Variants in ABHD15 observed in about 807,000 individuals in gnomAD.
ABHD15 encodes abhydrolase domain containing 15, also known as protein ABHD15.
A neutral mutation model predicts 34.4 loss-of-function variants in ABHD15; 34 were observed. The observed-to-expected ratio is 0.99, with a 90% CI of 0.75 to 1.32. The LOEUF (loss-of-function observed/expected upper bound fraction) is 1.32. ABHD15 is among the 40% of genes most tolerant of loss of function. ABHD15 has a pLI of 0.00. For missense variants in ABHD15, 644 were observed against 650.4 expected, an observed-to-expected ratio of 0.99 and a Z score of 0.11; for synonymous variants, 314 against 299.2, an observed-to-expected ratio of 1.05 and a Z score of -0.51.
Position 29,566,363 on chromosome 17 carries a change from C to G in ABHD15, c.604G>C (p.Val202Leu), listed in dbSNP as rs62070805. The change falls in exon 1 of 2, where the codon GTC (valine) becomes CTC (leucine). Residue 202 changes from valine (V) to leucine (L), a missense_variant. Val to Leu is a conservative substitution (Grantham distance 32). Transcript: ENST00000307201. ...HRRGHHGCPL[V>L]SPRLQPFGDP... ...CCGAAAGGCTGCAGCCGGGGGCTGA[C>G]CAGTGGGCAACCGTGGTGGCCGCGG... 2 of 1,611,028 alleles carry G rather than the reference C, an allele frequency of 1.2e-6. No individual in the cohort carries two copies. Among genetic ancestry groups the G allele is most frequent in the Admixed American group, 3.3e-5 (2 of 59,942 alleles).
intron 1 of ABHD15, among the ~76,000 whole-genome samples, chr17:29,563,809 G>A (rs576407404): frequency 8.9e-4 from 136 of 152,198 alleles, no homozygotes; most frequent in South Asian, 8.9e-3. Flanking sequence ...GCAGTGAGCC[G>A]AGATCGTGCC....
rs1388732913 is a variant in ABHD15 at position 29,566,891 on chromosome 17, G to A, written c.76C>T (p.Arg26Trp). The A allele has an allele frequency of 5.4e-6, 8 of 1,493,864 alleles. No homozygotes were observed. Among genetic ancestry groups the A allele is most frequent in the East Asian group, 2.8e-5 (1 of 35,434 alleles). 92.5% of individuals were successfully genotyped at this position (1,493,864 alleles called of 1,614,324 possible). Residue 26 changes from arginine (R) to tryptophan (W), a missense_variant, in exon 1 of 2, where the codon CGG (arginine) becomes TGG (tryptophan). Coordinates refer to ENST00000307201, the MANE Select transcript of ABHD15 (RefSeq NM_198147.3). ...CCGACGGCGCGCCCCCAGGGTCCCC[G>A]GAGCCGCGGGCCGAGCAGGCCGAGA... ...ALLGLLGPRL[R>W]GPWGRAVGER... is the part of the protein sequence containing the mutation.
chr17:29,566,649 C>G lies in ABHD15; in HGVS notation c.318G>C (p.Leu106=). The part of the protein sequence containing the change: ...GPRSWFSGPH[L]QTLCHFVLPV... ...GCAGGACGAAGTGGCAGAGGGTCTG[C>G]AGGTGGGGCCCGGAGAACCAGGAGC... The change falls in exon 1 of 2, where the codon CTG becomes CTC. Residue 106 remains leucine, a synonymous_variant. Coordinates refer to ENST00000307201, the MANE Select transcript of ABHD15 (RefSeq NM_198147.3). 6.2e-7 allele frequency: 1 copy of G among 1,604,856 alleles called. No homozygotes were observed. Among genetic ancestry groups the G allele is most frequent in the Non-Finnish European group, 8.5e-7 (1 of 1,179,188 alleles).
Position 29,566,961 on chromosome 17 carries a change from C to T in ABHD15, c.6G>A (p.Pro2=), listed in dbSNP as rs893043870. 2.9e-6 allele frequency: 4 copies of T among 1,377,834 alleles called. No individual in the cohort carries two copies. The highest frequency in any genetic ancestry group is 3.7e-6 in the Non-Finnish European group (4 of 1,073,864). The allele number at this position is 1,377,834 out of a possible 1,614,324, so 85.4% of individuals were successfully genotyped here. M[P]PWGAALALIL... is the part of the protein sequence containing the mutation. Reference sequence around the variant, plus strand: ...TGAGCGCGAGGGCGGCGCCCCACGGCGGCATGGCGAAGCTGGAGAGCCCCG... The same window carrying T: ...TGAGCGCGAGGGCGGCGCCCCACGGTGGCATGGCGAAGCTGGAGAGCCCCG... The change falls in exon 1 of 2, where the codon CCG becomes CCA. Residue 2 remains proline, a synonymous_variant. Coordinates refer to ENST00000307201, the MANE Select transcript of ABHD15 (RefSeq NM_198147.3).
At position 29,566,857 on chromosome 17, in the gene ABHD15, G is replaced by T. The variant is rs1304733778; in HGVS notation, c.110C>A (p.Thr37Asn). 1.7e-5 allele frequency: 25 copies of T among 1,509,756 alleles called. No individual in the cohort carries two copies. Among genetic ancestry groups the T allele is most frequent in the African/African-American group, 2.9e-5 (2 of 69,214 alleles). 93.5% of individuals were successfully genotyped at this position (1,509,756 alleles called of 1,614,324 possible). A position where few individuals can be genotyped will look rare whatever the true frequency, so the allele number is the denominator to read the frequency against. The change falls in exon 1 of 2, where the codon ACC becomes AAC. Residue 37 changes from threonine (T) to asparagine (N), a missense_variant. Coordinates refer to ENST00000307201, the MANE Select transcript of ABHD15 (RefSeq NM_198147.3). ...GTCTCGGTCTTGGGCCCCCGGCAGGGTCCTCTCTCCGACGGCGCGCCCCCA... is the reference window on the plus strand; with the variant it reads ...GTCTCGGTCTTGGGCCCCCGGCAGGTTCCTCTCTCCGACGGCGCGCCCCCA... ...GPWGRAVGER[T>N]LPGAQDRDDG...
chr17:29,563,058 CCA>C lies in ABHD15; in HGVS notation c.908_909del (p.Val303GlyfsTer15). ...SRYATALEDTVDTSRLFRSRS... is the reference protein window; with the variant it reads ...SRYATALEDTXDTSRLFRSRS... ...CGGCTCCTGAACAGTCTGCTGGTGT[CCA>C]CAGTGTCCTCCAGGGCTGTGGCATA... On this transcript the variant is annotated frameshift_variant, in exon 2 of 2. Coordinates refer to ENST00000307201, the MANE Select transcript of ABHD15 (RefSeq NM_198147.3). LOFTEE classifies it high-confidence loss of function. 1 of 1,608,486 alleles carries C rather than the reference CCA, an allele frequency of 6.2e-7. No homozygotes were observed. The highest frequency in any genetic ancestry group is 1.1e-5 in the South Asian group (1 of 91,040).
Position 29,562,506 on chromosome 17 carries a change from C to G in ABHD15, c.*55G>C. On this transcript the variant is annotated 3_prime_UTR_variant, in exon 2 of 2. Transcript: ENST00000307201. ...TCCGCCCCATCTTTCCAGGACTCCCCCTTGCCCAGCTCTGTTTTTCTTTGC... is the reference window on the plus strand; with the variant it reads ...TCCGCCCCATCTTTCCAGGACTCCCGCTTGCCCAGCTCTGTTTTTCTTTGC... 6.5e-7 allele frequency: 1 copy of G among 1,543,148 alleles called. No individual in the cohort carries two copies. The highest frequency in any genetic ancestry group is 1.3e-5 in the South Asian group (1 of 79,972).
chr17:29,562,754 T>C lies in ABHD15; in HGVS notation c.1214A>G (p.His405Arg), dbSNP rs1350941601. The C allele has an allele frequency of 1.2e-6, 2 of 1,614,004 alleles. No individual in the cohort carries two copies. The highest frequency in any genetic ancestry group is 1.3e-5 in the African/African-American group (1 of 74,928). Reference protein sequence around the residue: ...LRQEPLPAWSHEVILESFRAL... With the variant: ...LRQEPLPAWSREVILESFRAL... ...CCGGAAGGACTCCAAGATGACCTCA[T>C]GGCTCCAGGCTGGCAAGGGCTCCTG... is the stretch of plus-strand genomic sequence containing the variant. Residue 405 changes from histidine (H) to arginine (R), a missense_variant, in exon 2 of 2, where the codon CAT becomes CGT. Coordinates refer to ENST00000307201, the MANE Select transcript of ABHD15 (RefSeq NM_198147.3).
intron 1 of ABHD15, 131 bp downstream of exon 1, chr17:29,565,955 G>T: frequency 7.9e-7 from 1 of 1,258,780 alleles, no homozygotes; most frequent in Non-Finnish European, 1.1e-6. Flanking sequence ...GAAGGCTTTG[G>T]AAGATGTGTT....
In ABHD15 at chr17:29,562,952, T is replaced by A; in HGVS notation, c.1016A>T (p.Asn339Ile). ...PISWDTYWDR[N>I]DPLRDVDEAA... Reference sequence around the variant, plus strand: ...CTCATCGACATCCCGGAGCGGGTCGTTGCGGTCCCAGTAGGTATCCCAGCT... The same window carrying A: ...CTCATCGACATCCCGGAGCGGGTCGATGCGGTCCCAGTAGGTATCCCAGCT... Residue 339 changes from asparagine to isoleucine, a missense_variant, in exon 2 of 2, where the codon AAC (asparagine) becomes ATC (isoleucine). Physicochemically the swap from Asn to Ile is moderately radical, Grantham distance 149. Coordinates refer to ENST00000307201, the MANE Select transcript of ABHD15 (RefSeq NM_198147.3). 6.2e-7 allele frequency: 1 copy of A among 1,614,060 alleles called. No individual in the cohort carries two copies. Among genetic ancestry groups the A allele is most frequent in the South Asian group, 1.1e-5 (1 of 91,084 alleles).
At position 29,561,338 on chromosome 17, in the gene ABHD15, T is replaced by C. The variant is rs1172542443; in HGVS notation, c.*1223A>G. The C allele has an allele frequency of 6.6e-6, 1 of 152,208 alleles. No homozygotes were observed. Among genetic ancestry groups the C allele is most frequent in the African/African-American group, 2.4e-5 (1 of 41,450 alleles). The allele number at this position is 152,208 out of a possible 1,614,324, so 9.4% of individuals were successfully genotyped here. A position where few individuals can be genotyped will look rare whatever the true frequency, so the allele number is the denominator to read the frequency against. On this transcript the variant is annotated 3_prime_UTR_variant, in exon 2 of 2. Transcript: ENST00000307201. The stretch of plus-strand genomic sequence containing the variant: ...TAATTGCCTAATCCAAACCAGAATA[T>C]TTAGATCAACCTGTATACTATATAT...
rs1326011077 is a variant in ABHD15 at position 29,567,026 on chromosome 17, C to T, written c.-60G>A. 1.7e-5 allele frequency: 21 copies of T among 1,219,316 alleles called. No homozygotes were observed. Among genetic ancestry groups the T allele is most frequent in the South Asian group, 3.9e-5 (1 of 25,540 alleles). 75.5% of individuals were successfully genotyped at this position (1,219,316 alleles called of 1,614,324 possible). On this transcript the variant is annotated 5_prime_UTR_variant, in exon 1 of 2. Coordinates refer to ENST00000307201, the MANE Select transcript of ABHD15 (RefSeq NM_198147.3). The surrounding 1 kb of genome is among the most constrained non-coding windows in gnomAD (Gnocchi z 6.6). ...GCGGGGCCGTCTACTCGGCGAGCTC[C>T]GCGCTTTGCCCGCGGCTCCGCCCGC...
At chr17:29,565,594 G>C (rs1278127016) in intron 1 of ABHD15, among the ~76,000 whole-genome samples, 1 of 152,226 alleles carries the variant, frequency 6.6e-6, no homozygotes, top group African/African-American at 2.4e-5. Context: ...GCCTCCCAAA[G>C]TGCTGGGATT....
rs1451867931 is a variant in ABHD15 at position 29,566,404 on chromosome 17, G to T, written c.563C>A (p.Pro188Gln). Residue 188 changes from proline (P) to glutamine (Q), a missense_variant, in exon 1 of 2, where the codon CCG becomes CAG. Pro to Gln is a moderately conservative substitution (Grantham distance 76). Transcript: ENST00000307201. ...GTGGCCGCGGCGATGGAAGATGACC[G>T]GGTAGTAGCCGCGCTCCAGGGCGAG... The part of the protein sequence containing the change: ...CLLALERGYY[P>Q]VIFHRRGHHG... The T allele has an allele frequency of 1.2e-6, 2 of 1,611,626 alleles. No individual in the cohort carries two copies. The highest frequency in any genetic ancestry group is 1.7e-6 in the Non-Finnish European group (2 of 1,179,292).
Position 29,563,084 on chromosome 17 carries a change from T to C in ABHD15, c.884A>G (p.Tyr295Cys). Residue 295 changes from tyrosine to cysteine, a missense_variant and splice_region_variant, in exon 2 of 2, where the codon TAT becomes TGT. Transcript: ENST00000307201. The stretch of plus-strand genomic sequence containing the variant: ...CACAGTGTCCTCCAGGGCTGTGGCA[T>C]ACCTGGCAGCGAGGTGTTTAGTGGG... The part of the protein sequence containing the change: ...LLHQKIALSR[Y>C]ATALEDTVDT... The C allele has an allele frequency of 1.1e-5, 18 of 1,598,138 alleles. No homozygotes were observed. Among genetic ancestry groups the C allele is most frequent in the Non-Finnish European group, 1.5e-5 (18 of 1,175,480 alleles).
chr17:29,565,958 G>A, intron 1 of ABHD15, 128 bp downstream of exon 1: 1 of 1,272,294 alleles, frequency 7.9e-7, no homozygotes, highest in Non-Finnish European at 1.1e-6. Flanking sequence ...GGCTTTGGAA[G>A]ATGTGTTCAG....
intron 1 of ABHD15, among the ~76,000 whole-genome samples, chr17:29,564,846 A>G (rs636000): frequency 0.25 from 38,012 of 152,094 alleles, 4,928 homozygotes; most frequent in African/African-American, 0.28. Flanking sequence ...ATCTCCTAAG[A>G]AAGCCAGAGT....
At chr17:29,564,747 G>A (rs1042514385) in intron 1 of ABHD15, among the ~76,000 whole-genome samples, 8 of 152,104 alleles carry the variant, frequency 5.3e-5, no homozygotes, top group South Asian at 2.1e-4. Context: ...TCAGCTACTC[G>A]GGAGGCTGAG....
chr17:29,566,507 C>T lies in ABHD15; in HGVS notation c.460G>A (p.Gly154Arg), dbSNP rs565676282. ...ACCAGAAGCACCGCAGGAAGGCCCC[C>T]GGCGCTGGTGATCCGGCGGCCCCGA... ...CVRGRRITSA[G>R]GLPAVLLVIP... The change falls in exon 1 of 2, where the codon GGG becomes AGG. Residue 154 changes from glycine to arginine, a missense_variant. Transcript: ENST00000307201. 5 of 1,611,270 alleles carry T rather than the reference C, an allele frequency of 3.1e-6. No individual in the cohort carries two copies. The highest frequency in any genetic ancestry group is 4.5e-5 in the East Asian group (2 of 44,852).
Sources: gnomAD v4.1 joint callset for allele counts (sites outside exome capture counted in the v4.1 genomes callset) on GRCh38, gnomAD v4.1.1 for gene constraint, Gnocchi (gnomAD v3.1) non-coding constraint, MANE v1.5 for transcripts, NCBI Gene and HGNC (gene_info 2026-07-23, HGNC 2026-07-21) for gene names.